NFYA: variants seen among roughly 807,000 people sequenced by gnomAD.
The protein encoded by NFYA is nuclear transcription factor Y subunit alpha, also known as CAAT-box DNA binding protein subunit A.
Under a neutral mutation model 52.8 loss-of-function variants are expected in NFYA, and 28 were observed. That is an observed-to-expected ratio of 0.53 (90% CI 0.39 to 0.73). The LOEUF (loss-of-function observed/expected upper bound fraction) is 0.73. Ranked by LOEUF, NFYA falls within the 30% of genes least tolerant of loss-of-function variation. NFYA has a pLI of 0.00. For missense variants in NFYA, 234 were observed against 427.0 expected (o/e 0.55, Z 3.98); for synonymous variants, 150 against 150.7 (o/e 1.00, Z 0.03).
At chr6:41,093,942 C>T (rs967758174) in intron 8 of NFYA, among the ~76,000 whole-genome samples, 1 of 152,164 alleles carries the variant, frequency 6.6e-6, no homozygotes, top group Non-Finnish European at 1.5e-5. Context: ...ATCACATGAG[C>T]CGAGGAATTC....
chr6:41,081,207 C>T (rs1042981700), intron 3 of NFYA, among the ~76,000 whole-genome samples: 92 of 152,224 alleles, frequency 6.0e-4, no homozygotes, highest in African/African-American at 1.9e-3. Flanking sequence ...ATTCAGGGCT[C>T]GGCCGGGCGC....
chr6:41,083,979 T>C, intron 3 of NFYA, 67 bp from the exon 4 acceptor site: 6 of 1,459,518 alleles, frequency 4.1e-6, no homozygotes, highest in Non-Finnish European at 5.5e-6. Flanking sequence ...GTTCCAGTGA[T>C]TGTCTTTTGG....
At position 41,102,270 on chromosome 6, in the gene NFYA, C is replaced by G. The variant is rs1764520517; in HGVS notation, c.*4860C>G. ...TCAAGTTGCCACTGAAAAGCTAGACCTTTGCCTATTATCTGCTAATCTACC... is the reference window on the plus strand; with the variant it reads ...TCAAGTTGCCACTGAAAAGCTAGACGTTTGCCTATTATCTGCTAATCTACC... On this transcript the variant is annotated 3_prime_UTR_variant, in exon 10 of 10. Coordinates refer to ENST00000341376, the MANE Select transcript of NFYA (RefSeq NM_002505.5). Among the ~76,000 whole-genome samples the G allele has an allele frequency of 6.6e-6, 1 of 152,092 alleles. No individual in the cohort carries two copies. The highest frequency in any genetic ancestry group is 1.5e-5 in the Non-Finnish European group (1 of 68,016).
intron 4 of NFYA, among the ~76,000 whole-genome samples, chr6:41,084,427 T>C (rs1054510915): frequency 6.6e-6 from 1 of 152,192 alleles, no homozygotes; most frequent in South Asian, 2.1e-4. Flanking sequence ...CTGTAAAGTA[T>C]ATGAAGAGGT....
rs1582035742 is a variant in NFYA, at chr6:41,092,785, A to G, written c.715-127A>G. On this transcript the variant is annotated intron_variant, in intron 7 of 9. Coordinates refer to ENST00000341376, the MANE Select transcript of NFYA (RefSeq NM_002505.5). Reference sequence around the variant, plus strand: ...TAAATTTCTCCAGGGATCCGCATTTACCCAAGTACCCTATAAAAATTACTT... The same window carrying G: ...TAAATTTCTCCAGGGATCCGCATTTGCCCAAGTACCCTATAAAAATTACTT... 7.1e-6 allele frequency: 6 copies of G among 842,990 alleles called. No homozygotes were observed. The East Asian group carries it at 1.6e-4, about 22-fold the overall frequency. 52.2% of individuals were successfully genotyped at this position (842,990 alleles called of 1,614,324 possible).
rs149322417 is a variant in NFYA at position 41,088,217 on chromosome 6, G to A, written c.310-1362G>A. Among the ~76,000 whole-genome samples, 1,350 of 151,908 alleles carry A rather than the reference G, an allele frequency of 8.9e-3. 22 individuals carry two copies. Among genetic ancestry groups the A allele is most frequent in the African/African-American group, 0.03 (1,262 of 41,422 alleles). ...GTGGATCACAAGGTCAGGAGATCGA[G>A]ACCATCCTGGTTAACACAGTGAAAC... On this transcript the variant is annotated intron_variant, in intron 4 of 9. Coordinates refer to ENST00000341376, the MANE Select transcript of NFYA (RefSeq NM_002505.5).
intron 3 of NFYA, among the ~76,000 whole-genome samples, chr6:41,081,483 C>A (rs563238303): frequency 6.0e-5 from 9 of 150,776 alleles, no homozygotes; most frequent in African/African-American, 2.2e-4. Context: ...GAGCGAGACT[C>A]CGTCTCAAAA....
At chr6:41,077,247 A>T (rs9381032) in intron 1 of NFYA, among the ~76,000 whole-genome samples, 59,792 of 152,010 alleles carry the variant, frequency 0.39, 12,391 homozygotes, top group African/African-American at 0.52. Flanking sequence ...ATACTTTAGA[A>T]ACAAAGTATA....
Position 41,102,387 on chromosome 6 carries a change from T to C in NFYA, c.*4977T>C, listed in dbSNP as rs1582044841. The stretch of plus-strand genomic sequence containing the variant: ...TTGTATTTTATTTCAAAATAAAGTA[T>C]TCTCTTCTAACAATAACGTATCTCA... On this transcript the variant is annotated 3_prime_UTR_variant, in exon 10 of 10. Coordinates refer to ENST00000341376, the MANE Select transcript of NFYA (RefSeq NM_002505.5). Among the ~76,000 whole-genome samples, 1 of 152,084 alleles carries C rather than the reference T, an allele frequency of 6.6e-6. No individual in the cohort carries two copies. The highest frequency in any genetic ancestry group is 2.0e-4 in the East Asian group (1 of 5,118).
At chr6:41,094,566 A>G in intron 9 of NFYA, 69 bp downstream of exon 9, 1 of 1,193,974 alleles carries the variant, frequency 8.4e-7, no homozygotes, top group South Asian at 1.2e-5. Context: ...AGCCTTCAGC[A>G]GTGTCCTCTT....
At chr6:41,083,538 CCTCTACATAAG>C (rs1425736093) in intron 3 of NFYA, among the ~76,000 whole-genome samples, 1 of 152,140 alleles carries the variant, frequency 6.6e-6, no homozygotes, top group East Asian at 1.9e-4. Context: ...AAAGGGTCAT[CCTCTACATAAG>C]CTTCCAGAGC....
At chr6:41,077,672 A>G (rs1026014931) in intron 1 of NFYA, among the ~76,000 whole-genome samples, 3 of 152,180 alleles carry the variant, frequency 2.0e-5, no homozygotes, top group Non-Finnish European at 4.4e-5. Flanking sequence ...TAGTCAACCA[A>G]TTCCAAAGAG....
chr6:41,079,101 T>C lies in NFYA; in HGVS notation c.12T>C (p.Tyr4=), dbSNP rs1763834650. The stretch of plus-strand genomic sequence containing the variant: ...CACTTGGAGGGACCATGGAGCAGTA[T>C]ACAGCAAACAGCAATAGTTCGACAG... The part of the protein sequence containing the change: MEQ[Y]TANSNSSTEQ... Residue 4 remains tyrosine (Y), a synonymous_variant, in exon 2 of 10, where the codon TAT becomes TAC. Coordinates refer to ENST00000341376, the MANE Select transcript of NFYA (RefSeq NM_002505.5). The C allele has an allele frequency of 6.2e-7, 1 of 1,614,038 alleles. No individual in the cohort carries two copies. Among genetic ancestry groups the C allele is most frequent in the African/African-American group, 1.3e-5 (1 of 74,938 alleles).
intron 7 of NFYA, among the ~76,000 whole-genome samples, chr6:41,092,476 C>T (rs1254598546): frequency 6.6e-6 from 1 of 152,114 alleles, no homozygotes; most frequent in Non-Finnish European, 1.5e-5. Context: ...TTTTTACCTA[C>T]ATTTAGTACA....
intron 1 of NFYA, among the ~76,000 whole-genome samples, chr6:41,073,489 G>T (rs1470601532): frequency 6.6e-6 from 1 of 151,994 alleles, no homozygotes; most frequent in Non-Finnish European, 1.5e-5. Flanking sequence ...GGTCGTTCTG[G>T]CCGCAAACTT....
rs1261294714 is a variant in NFYA, at chr6:41,101,045, G to C, written c.*3635G>C. 6.6e-6 allele frequency: 1 copy of C among 152,284 alleles called. No individual in the cohort carries two copies. The highest frequency in any genetic ancestry group is 1.5e-5 in the Non-Finnish European group (1 of 68,080). 9.4% of individuals were successfully genotyped at this position (152,284 alleles called of 1,614,324 possible). A position where few individuals can be genotyped will look rare whatever the true frequency, so the allele number is the denominator to read the frequency against. On this transcript the variant is annotated 3_prime_UTR_variant, in exon 10 of 10. Transcript: ENST00000341376. ...CCATGGTGACCGGCGAGCGGCATGC[G>C]ACGCCGCCTCTGTGGCCTGTGGAGG...
rs777003094 is a variant in NFYA, at chr6:41,080,858, G to A, written c.123G>A (p.Val41=). 1.9e-6 allele frequency: 3 copies of A among 1,614,046 alleles called. No homozygotes were observed. The highest frequency in any genetic ancestry group is 1.7e-4 in the Middle Eastern group (1 of 6,060). ...TAVQLQTEAQ[V]ASASGQQVQT... ...TGCAGTTGCAGACTGAGGCCCAGGT[G>A]GCATCCGCCTCAGGCCAGCAAGTCC... The change falls in exon 3 of 10, where the codon GTG becomes GTA. Residue 41 remains valine (V), a synonymous_variant. Transcript: ENST00000341376.
chr6:41,073,588 C>T (rs1238864436), intron 1 of NFYA, among the ~76,000 whole-genome samples: 7 of 152,076 alleles, frequency 4.6e-5, no homozygotes, highest in Non-Finnish European at 2.9e-5. Flanking sequence ...TCCCAGCGAG[C>T]CGGGTCTGTC....
chr6:41,089,846 G>A lies in NFYA; in HGVS notation c.441+136G>A, dbSNP rs1457658715. 63 of 1,253,272 alleles carry A rather than the reference G, an allele frequency of 5.0e-5. No homozygotes were observed. In the East Asian group the frequency reaches 1.2e-3, roughly 25 times the overall value. 77.6% of individuals were successfully genotyped at this position (1,253,272 alleles called of 1,614,324 possible). ...TAAAAAAATATATTTTTGGCCGGGCGCGGTGGCTCATGCCTGTAATCCCAG... is the reference window on the plus strand; with the variant it reads ...TAAAAAAATATATTTTTGGCCGGGCACGGTGGCTCATGCCTGTAATCCCAG... On this transcript the variant is annotated intron_variant, in intron 5 of 9. Transcript: ENST00000341376.
Sources: allele counts gnomAD v4.1 joint callset (sites outside exome capture counted in the v4.1 genomes callset), GRCh38; gene constraint gnomAD v4.1.1; transcripts MANE v1.5; gene names NCBI Gene and HGNC (gene_info 2026-07-23, HGNC 2026-07-21).